The following VIPR2 variants were observed in gnomAD, a reference collection of about 807,000 sequenced individuals.
The protein encoded by VIPR2 is vasoactive intestinal peptide receptor 2, also known as vasoactive intestinal polypeptide receptor 2.
VIPR2 carries 48 observed loss-of-function variants against 58.0 expected under a neutral mutation model. The ratio of observed to expected loss-of-function variants is 0.83; its 90% CI spans 0.66 to 1.05. The LOEUF is 1.05. VIPR2 is among the 50% of genes least tolerant of loss of function. VIPR2 has a pLI of 0.00. For synonymous variants in VIPR2, 243 were observed against 235.2 expected, an observed-to-expected ratio of 1.03 and a Z score of -0.30; for missense variants, 534 against 558.0, an observed-to-expected ratio of 0.96 and a Z score of 0.43.
chr7:159,101,891 G>T (rs868145935), intron 4 of VIPR2, among the ~76,000 whole-genome samples: 22 of 142,988 alleles, frequency 1.5e-4, no homozygotes, highest in African/African-American at 4.6e-4. Context: ...GGTAGTGAAC[G>T]GGTCTCACGA....
Position 159,030,792 on chromosome 7 carries a change from G to A in VIPR2, c.1144-3C>T. The A allele has an allele frequency of 6.4e-7, 1 of 1,572,996 alleles. No individual in the cohort carries two copies. Among genetic ancestry groups the A allele is most frequent in the South Asian group, 1.2e-5 (1 of 86,526 alleles). On this transcript the variant is annotated splice_polypyrimidine_tract_variant and splice_region_variant and intron_variant, in intron 12 of 12. Transcript: ENST00000262178. ...TTTCGCTTCAGCTCGCACTGCACCT[G>A]GGAGGTGAGGGCAGCGGGAACGCCC... is the stretch of plus-strand genomic sequence containing the variant.
At chr7:159,126,577 C>T (rs925978311) in intron 2 of VIPR2, among the ~76,000 whole-genome samples, 9 of 152,204 alleles carry the variant, frequency 5.9e-5, no homozygotes, top group Admixed American at 5.9e-4. Context: ...TGAGAATGTG[C>T]TCTTCTCAGG....
intron 3 of VIPR2, among the ~76,000 whole-genome samples, chr7:159,109,108 C>T (rs772415264): frequency 6.6e-6 from 1 of 152,240 alleles, no homozygotes; most frequent in Non-Finnish European, 1.5e-5. Flanking sequence ...CTCCATAGTG[C>T]TCCAAAGTAT....
intron 2 of VIPR2, among the ~76,000 whole-genome samples, chr7:159,124,747 T>C (rs2129497046): frequency 6.6e-6 from 1 of 152,368 alleles, no homozygotes. Context: ...TTTAATGATA[T>C]TGATTCTTCC....
chr7:159,098,255 A>G lies in VIPR2; in HGVS notation c.357+5502T>C, dbSNP rs1475226806. Among the ~76,000 whole-genome samples the G allele has an allele frequency of 2.0e-5, 3 of 152,070 alleles. No homozygotes were observed. Among genetic ancestry groups the G allele is most frequent in the African/African-American group, 7.2e-5 (3 of 41,424 alleles). ...GCACACGGCTCGGGGAGCCTCCCAC[A>G]CTTGGTGATCCCGAGCCCTCAGTCT... On this transcript the variant is annotated intron_variant, in intron 4 of 12. Coordinates refer to ENST00000262178, the MANE Select transcript of VIPR2 (RefSeq NM_003382.5). The surrounding 1 kb of genome is among the most constrained non-coding windows in gnomAD (Gnocchi z 5.2).
chr7:159,071,818 T>C (rs1449462329), intron 4 of VIPR2, among the ~76,000 whole-genome samples: 2,779 of 72,232 alleles, frequency 0.038, no homozygotes, highest in Middle Eastern at 0.19. Context: ...AAACACACAT[T>C]GCTAGACTAG....
chr7:159,117,173 G>C (rs987540743), intron 2 of VIPR2: 32 of 627,918 alleles, frequency 5.1e-5, no homozygotes, highest in Non-Finnish European at 8.1e-5. Context: ...GGAGCCAGCC[G>C]AGCAGTCGGG....
rs1265941893 is a variant in VIPR2, at chr7:159,127,427, G to T, written c.151+15019C>A. Among the ~76,000 whole-genome samples, 1 of 152,116 alleles carries T rather than the reference G, an allele frequency of 6.6e-6. No homozygotes were observed. The highest frequency in any genetic ancestry group is 2.4e-5 in the African/African-American group (1 of 41,408). ...AACCAAAACTATTAAATGAACAAGA[G>T]GATTTTTCAAAGTAACGTTTATAGG... On this transcript the variant is annotated intron_variant, in intron 2 of 12. Coordinates refer to ENST00000262178, the MANE Select transcript of VIPR2 (RefSeq NM_003382.5). The surrounding 1 kb of genome is among the most constrained non-coding windows in gnomAD (Gnocchi z 4.6).
At chr7:159,087,634 C>G (rs955772522) in intron 4 of VIPR2, among the ~76,000 whole-genome samples, 1 of 125,852 alleles carries the variant, frequency 7.9e-6, no homozygotes, top group Non-Finnish European at 1.7e-5. Context: ...CTCCAACAAA[C>G]AATACCCAGG....
chr7:159,040,710 A>G (rs1411067105), intron 6 of VIPR2, among the ~76,000 whole-genome samples: 1 of 152,238 alleles, frequency 6.6e-6, no homozygotes, highest in Non-Finnish European at 1.5e-5. Context: ...AAAATATACA[A>G]AAAAATTCAA....
chr7:159,073,031 G>A (rs1856484550), intron 4 of VIPR2, among the ~76,000 whole-genome samples: 1 of 152,146 alleles, frequency 6.6e-6, no homozygotes, highest in Admixed American at 6.5e-5. Flanking sequence ...GAACCCAGGA[G>A]TTTTCACAGG....
At chr7:159,107,139 A>G (rs2864942) in intron 3 of VIPR2, among the ~76,000 whole-genome samples, 6,165 of 152,212 alleles carry the variant, frequency 0.041, 408 homozygotes, top group African/African-American at 0.14. Context: ...ATCATCCTCC[A>G]CTGGGGGATG....
rs531688812 is a variant in VIPR2, at chr7:159,098,445, G to A, written c.357+5312C>T. ...TCCCCCAGGCCTGAAAGCTGGTCTT[G>A]GCAGGAAGAGGACACAGACGGGAAG... On this transcript the variant is annotated intron_variant, in intron 4 of 12. Transcript: ENST00000262178. The surrounding 1 kb of genome is among the most constrained non-coding windows in gnomAD (Gnocchi z 5.2). Among the ~76,000 whole-genome samples the A allele has an allele frequency of 1.4e-4, 22 of 152,324 alleles. No homozygotes were observed. The highest frequency in any genetic ancestry group is 4.3e-4 in the African/African-American group (18 of 41,572).
chr7:159,085,642 G>A (rs1243489388), intron 4 of VIPR2, among the ~76,000 whole-genome samples: 2 of 152,194 alleles, frequency 1.3e-5, no homozygotes, highest in Non-Finnish European at 2.9e-5. Flanking sequence ...CTGACGCCAG[G>A]ATCGAATCCC....
chr7:159,035,206 G>A (rs1322544685), intron 8 of VIPR2, among the ~76,000 whole-genome samples: 3 of 152,154 alleles, frequency 2.0e-5, no homozygotes, highest in Non-Finnish European at 2.9e-5. Context: ...CTCCCATAAA[G>A]CAGAATCTCC....
intron 8 of VIPR2, chr7:159,035,620 C>T (rs971589747): frequency 1.2e-5 from 11 of 934,292 alleles, no homozygotes; most frequent in Middle Eastern, 5.5e-4. Context: ...CACTTTGCTC[C>T]GGGTAAACAA....
At chr7:159,106,851 A>G (rs1795760484) in intron 3 of VIPR2, among the ~76,000 whole-genome samples, 1 of 151,174 alleles carries the variant, frequency 6.6e-6, no homozygotes, top group South Asian at 2.1e-4. Context: ...GGAGGCACAC[A>G]GAGGCCAGGG....
At chr7:159,101,147 T>G (rs373629474) in intron 4 of VIPR2, among the ~76,000 whole-genome samples, 1 of 104,108 alleles carries the variant, frequency 9.6e-6, no homozygotes, top group African/African-American at 3.6e-5. Context: ...ATGAGTCTCA[T>G]GAGATCCGAC....
At chr7:159,069,195 G>A (rs1856254006) in intron 4 of VIPR2, among the ~76,000 whole-genome samples, 1 of 152,174 alleles carries the variant, frequency 6.6e-6, no homozygotes, top group Admixed American at 6.5e-5. Flanking sequence ...TGTGCTCAGG[G>A]CTCATGGGGG....
Sources: gnomAD v4.1 joint callset for allele counts (sites outside exome capture counted in the v4.1 genomes callset) on GRCh38, gnomAD v4.1.1 for gene constraint, Gnocchi (gnomAD v3.1) non-coding constraint, MANE v1.5 for transcripts, NCBI Gene and HGNC (gene_info 2026-07-23, HGNC 2026-07-21) for gene names.